The following HSD3B1 variants were observed in gnomAD, a reference collection of about 807,000 sequenced individuals.
HSD3B1 encodes the protein hydroxy-delta-5-steroid dehydrogenase, 3 beta- and steroid delta-isomerase 1, also known as 3 beta-hydroxysteroid dehydrogenase/Delta 5-->4-isomerase type 1.
A neutral mutation model predicts 10.4 loss-of-function variants in HSD3B1; 11 were observed. The ratio of observed to expected loss-of-function variants is 1.05; its 90% CI spans 0.66 to 1.75. The LOEUF is 1.75. Among genes scored for constraint, HSD3B1 ranks in the 40% most tolerant of loss-of-function variants. HSD3B1 has a pLI of 0.00. For synonymous variants in HSD3B1, 217 were observed against 185.4 expected (o/e 1.17, Z -1.39); for missense variants, 490 against 454.5 (o/e 1.08, Z -0.71).
At chr1:119,509,753 C>T (rs1312463189) in intron 2 of HSD3B1, among the ~76,000 whole-genome samples, 1 of 152,192 alleles carries the variant, frequency 6.6e-6, no homozygotes, top group Non-Finnish European at 1.5e-5. Context: ...GCTTGTACCC[C>T]AGGAAGGAAT....
At chr1:119,511,200 A>T (rs905875828) in intron 2 of HSD3B1, among the ~76,000 whole-genome samples, 12 of 152,216 alleles carry the variant, frequency 7.9e-5, no homozygotes, top group Non-Finnish European at 1.5e-4. Context: ...CTCTCCTTAG[A>T]AAATTTGATG....
At chr1:119,509,402 T>C (rs1435019623) in intron 2 of HSD3B1, among the ~76,000 whole-genome samples, 1 of 152,196 alleles carries the variant, frequency 6.6e-6, no homozygotes, top group Non-Finnish European at 1.5e-5. Flanking sequence ...AAGGGAGCCA[T>C]GACTTCATCA....
intron 2 of HSD3B1, among the ~76,000 whole-genome samples, chr1:119,511,077 G>A (rs897525096): frequency 6.6e-6 from 1 of 151,944 alleles, no homozygotes; most frequent in African/African-American, 2.4e-5. Flanking sequence ...TATAAATAAG[G>A]GGTTTTCTTT....
At chr1:119,508,185 G>C (rs189605024) in intron 2 of HSD3B1, among the ~76,000 whole-genome samples, 1 of 151,710 alleles carries the variant, frequency 6.6e-6, no homozygotes, top group Non-Finnish European at 1.5e-5. Context: ...AGAGAGAGTC[G>C]GGGAGAGAGA....
At chr1:119,513,717 T>A (rs1570881288) in intron 3 of HSD3B1, 117 bp from the exon 4 acceptor site, 1 of 953,140 alleles carries the variant, frequency 1.0e-6, no homozygotes, top group Non-Finnish European at 1.6e-6. Context: ...GAATGTACCC[T>A]GAGTCTGTTA....
intron 2 of HSD3B1, among the ~76,000 whole-genome samples, chr1:119,511,035 G>A (rs1363876128): frequency 1.3e-5 from 2 of 151,980 alleles, no homozygotes; most frequent in Admixed American, 6.6e-5. Context: ...CATGAGCCAC[G>A]GGGCTTGGCC....
chr1:119,510,979 C>G (rs1160161485), intron 2 of HSD3B1, among the ~76,000 whole-genome samples: 5 of 151,918 alleles, frequency 3.3e-5, no homozygotes, highest in Admixed American at 2.0e-4. Flanking sequence ...CTCCTGCGCT[C>G]CAGTGATCCA....
In HSD3B1 at chr1:119,514,366, T is replaced by C; in HGVS notation, c.843T>C (p.Asp281=). 3 of 1,614,184 alleles carry C rather than the reference T, an allele frequency of 1.9e-6. No individual in the cohort carries two copies. Among genetic ancestry groups the C allele is most frequent in the Non-Finnish European group, 2.5e-6 (3 of 1,180,024 alleles). ...GCAAAGAGTTCGGCCTCCGCCTTGA[T>C]TCCAGATGGAGCTTTCCTTTATCCC... ...TLSKEFGLRL[D]SRWSFPLSLM... Residue 281 remains aspartate, a synonymous_variant, in exon 4 of 4, where the codon GAT becomes GAC. Coordinates refer to ENST00000369413, the MANE Select transcript of HSD3B1 (RefSeq NM_000862.3).
In HSD3B1 at chr1:119,514,093, C is replaced by T. The variant is rs1291442981; in HGVS notation, c.570C>T (p.Ile190=). 6.2e-7 allele frequency: 1 copy of T among 1,613,984 alleles called. No individual in the cohort carries two copies. The highest frequency in any genetic ancestry group is 8.5e-7 in the Non-Finnish European group (1 of 1,180,006). The change falls in exon 4 of 4, where the codon ATC becomes ATT. Residue 190 remains isoleucine, a synonymous_variant. Transcript: ENST00000369413. The stretch of plus-strand genomic sequence containing the variant: ...CTTGTGCCTTACGACCCATGTATAT[C>T]TATGGGGAAGGAAGCCGATTCCTTT... ...LYTCALRPMY[I]YGEGSRFLSA...
chr1:119,511,469 A>G (rs1421883601), intron 2 of HSD3B1, 34 bp from the exon 3 acceptor site: 4 of 1,611,354 alleles, frequency 2.5e-6, no homozygotes, highest in Admixed American at 3.3e-5. Flanking sequence ...CAGATACAGA[A>G]ATCATTCCAA....
At chr1:119,508,044 GT>G (rs1399760881) in intron 2 of HSD3B1, 1 of 170,342 alleles carries the variant, frequency 5.9e-6, no homozygotes, top group East Asian at 1.6e-4. Context: ...GCCAGGCTGT[GT>G]TTTGTTTTGC....
At chr1:119,508,786 G>A (rs1383653128) in intron 2 of HSD3B1, among the ~76,000 whole-genome samples, 3 of 152,170 alleles carry the variant, frequency 2.0e-5, no homozygotes, top group Admixed American at 6.5e-5. Flanking sequence ...TCCCCCACTT[G>A]ACAGCACTCA....
chr1:119,514,897 C>T lies in HSD3B1; in HGVS notation c.*252C>T. 1 of 531,828 alleles carries T rather than the reference C, an allele frequency of 1.9e-6. No individual in the cohort carries two copies. The highest frequency in any genetic ancestry group is 3.3e-6 in the Non-Finnish European group (1 of 299,558). 32.9% of individuals were successfully genotyped at this position (531,828 alleles called of 1,614,324 possible). On this transcript the variant is annotated 3_prime_UTR_variant, in exon 4 of 4. Transcript: ENST00000369413. Reference sequence around the variant, plus strand: ...GTTTGCTGTTACCAAATCTCAGTAGCTGATTCTGAACAATTTAGGGACTCT... The same window carrying T: ...GTTTGCTGTTACCAAATCTCAGTAGTTGATTCTGAACAATTTAGGGACTCT...
At chr1:119,513,746 G>A (rs1654012308) in intron 3 of HSD3B1, 88 bp from the exon 4 acceptor site, 4 of 1,236,702 alleles carry the variant, frequency 3.2e-6, no homozygotes, top group South Asian at 2.7e-5. Context: ...ATATTTGGGA[G>A]TGGGGGGTGG....
At chr1:119,512,752 A>G (rs1453162992) in intron 3 of HSD3B1, among the ~76,000 whole-genome samples, 2 of 152,188 alleles carry the variant, frequency 1.3e-5, no homozygotes, top group Non-Finnish European at 2.9e-5. Flanking sequence ...TAAAACCATT[A>G]TAACTCCCAA....
At chr1:119,509,335 A>G (rs587614552) in intron 2 of HSD3B1, among the ~76,000 whole-genome samples, 64 of 152,318 alleles carry the variant, frequency 4.2e-4, no homozygotes, top group African/African-American at 1.5e-3. Flanking sequence ...ACACCATAAA[A>G]GCAACTCCAT....
chr1:119,511,385 C>T lies in HSD3B1; in HGVS notation c.146-118C>T, dbSNP rs72999127. 1,414 of 911,290 alleles carry T rather than the reference C, an allele frequency of 1.6e-3. 14 individuals are homozygous for T. The African/African-American group carries it at 0.02, about 13-fold the overall frequency. The allele number at this position is 911,290 out of a possible 1,614,324, so 56.5% of individuals were successfully genotyped here. A position where few individuals can be genotyped will look rare whatever the true frequency, so the allele number is the denominator to read the frequency against. On this transcript the variant is annotated intron_variant, in intron 2 of 3. Coordinates refer to ENST00000369413, the MANE Select transcript of HSD3B1 (RefSeq NM_000862.3). ...TTGTTCTTTCCGTAGAATGTACACCCTCCACTCTAACACCCTACTCTAACC... is the reference window on the plus strand; with the variant it reads ...TTGTTCTTTCCGTAGAATGTACACCTTCCACTCTAACACCCTACTCTAACC...
chr1:119,513,715 C>T (rs756518655), intron 3 of HSD3B1, 119 bp from the exon 4 acceptor site: 1 of 939,486 alleles, frequency 1.1e-6, no homozygotes, highest in African/African-American at 1.6e-5. Context: ...AAGAATGTAC[C>T]CTGAGTCTGT....
intron 2 of HSD3B1, among the ~76,000 whole-genome samples, chr1:119,510,696 TGTTGTTGCTTGTGTGGTTTTC>T (rs1653906924): frequency 6.6e-6 from 1 of 150,658 alleles, no homozygotes; most frequent in African/African-American, 2.4e-5. Context: ...TTCCTTTTTT[TGTTGTTGCTTGTGTGGTTTTC>T]TTTTTTTTTT....
Sources: gnomAD v4.1 joint callset for allele counts (sites outside exome capture counted in the v4.1 genomes callset) on GRCh38, gnomAD v4.1.1 for gene constraint, MANE v1.5 for transcripts, NCBI Gene and HGNC (gene_info 2026-07-23, HGNC 2026-07-21) for gene names.